The following CHRM3 variants were observed in gnomAD, a reference collection of about 807,000 sequenced individuals.
The protein encoded by CHRM3 is muscarinic acetylcholine receptor M3.
A neutral mutation model predicts 41.8 loss-of-function variants in CHRM3; 11 were observed. The ratio of observed to expected loss-of-function variants is 0.26; its 90% CI spans 0.17 to 0.44. CHRM3 has a LOEUF of 0.44. Among genes scored for constraint, CHRM3 ranks in the 20% least tolerant of loss-of-function variants. The pLI is 1.00. For synonymous variants in CHRM3, 297 were observed against 301.4 expected (o/e 0.99, Z 0.15); for missense variants, 571 against 745.4 (o/e 0.77, Z 2.72).
chr1:239,741,687 G>GT (rs1553378248), intron 5 of CHRM3, among the ~76,000 whole-genome samples: 15 of 151,520 alleles, frequency 9.9e-5, no homozygotes, highest in Admixed American at 2.0e-4. Flanking sequence ...AAAGCCTTTT[G>GT]TTTTTTTTAT....
At chr1:239,443,293 T>G (rs1663868671) in intron 1 of CHRM3, among the ~76,000 whole-genome samples, 1 of 152,228 alleles carries the variant, frequency 6.6e-6, no homozygotes, top group Admixed American at 6.5e-5. Context: ...ATAATTTGTC[T>G]TTCGTCATAG....
intron 6 of CHRM3, among the ~76,000 whole-genome samples, chr1:239,876,453 T>TAACTGG (rs1280082290): frequency 6.6e-6 from 1 of 152,234 alleles, no homozygotes; most frequent in Admixed American, 6.5e-5. Flanking sequence ...TGGAAGGCCC[T>TAACTGG]AACTGGAACG....
intron 2 of CHRM3, among the ~76,000 whole-genome samples, chr1:239,493,389 CT>C (rs759697131): frequency 1.3e-5 from 2 of 152,108 alleles, no homozygotes; most frequent in Admixed American, 6.6e-5. Flanking sequence ...CAGATTGCCA[CT>C]TTTTATCAAA....
At chr1:239,733,554 A>T (rs1664147834) in intron 5 of CHRM3, among the ~76,000 whole-genome samples, 1 of 152,024 alleles carries the variant, frequency 6.6e-6, no homozygotes, top group South Asian at 2.1e-4. Flanking sequence ...GGCTATTAGT[A>T]AGTGTTTATT....
chr1:239,785,387 A>G (rs1340614571), intron 5 of CHRM3, among the ~76,000 whole-genome samples: 1 of 152,244 alleles, frequency 6.6e-6, no homozygotes, highest in Non-Finnish European at 1.5e-5. Context: ...TGAAGGCTGC[A>G]TTCTTTTAAA....
At chr1:239,794,387 GT>G (rs10925977) in intron 5 of CHRM3, among the ~76,000 whole-genome samples, 21,251 of 115,176 alleles carry the variant, frequency 0.18, 3,478 homozygotes, top group African/African-American at 0.5. Context: ...TTCGTTTGTT[GT>G]TTTTTTTTTT....
At chr1:239,640,275 A>C (rs371176256) in intron 4 of CHRM3, among the ~76,000 whole-genome samples, 15 of 152,212 alleles carry the variant, frequency 9.9e-5, no homozygotes, top group East Asian at 1.9e-4. Flanking sequence ...TGATGCTGGC[A>C]TCATAAAATG....
chr1:239,781,182 A>G (rs1295181779), intron 5 of CHRM3, among the ~76,000 whole-genome samples: 2 of 152,108 alleles, frequency 1.3e-5, no homozygotes, highest in Non-Finnish European at 2.9e-5. Flanking sequence ...TTGAATCTAG[A>G]AATCAAATGA....
chr1:239,803,962 G>A (rs190224595), intron 5 of CHRM3, among the ~76,000 whole-genome samples: 2 of 152,302 alleles, frequency 1.3e-5, no homozygotes, highest in Admixed American at 1.3e-4. Flanking sequence ...CTGGTTTCCT[G>A]CCTTTCTAAG....
At position 239,910,319 on chromosome 1, in the gene CHRM3, G is replaced by A. The variant is rs10458442; in HGVS notation, c.*1095G>A. 84,486 of 156,604 alleles carry A rather than the reference G, an allele frequency of 0.54. 24,122 individuals carry two copies. Among genetic ancestry groups the A allele is most frequent in the African/African-American group, 0.79 (31,638 of 39,938 alleles). 9.7% of individuals were successfully genotyped at this position (156,604 alleles called of 1,614,324 possible). A position where few individuals can be genotyped will look rare whatever the true frequency, so the allele number is the denominator to read the frequency against. Reference sequence around the variant, plus strand: ...CATACACAGCAATATATATATATGTGTATATATATATATATGGCAAAGCAA... The same window carrying A: ...CATACACAGCAATATATATATATGTATATATATATATATATGGCAAAGCAA... On this transcript the variant is annotated 3_prime_UTR_variant, in exon 7 of 7. Coordinates refer to ENST00000676153, the MANE Select transcript of CHRM3 (RefSeq NM_001375978.1).
intron 5 of CHRM3, among the ~76,000 whole-genome samples, chr1:239,758,826 C>T (rs1021960889): frequency 4.6e-5 from 7 of 152,054 alleles, no homozygotes; most frequent in Non-Finnish European, 8.8e-5. Flanking sequence ...TTCAGAAGCG[C>T]GCAAGTTGGT....
intron 5 of CHRM3, among the ~76,000 whole-genome samples, chr1:239,700,023 A>T (rs1660539404): frequency 1.3e-5 from 2 of 152,158 alleles, no homozygotes; most frequent in Admixed American, 1.3e-4. Context: ...CTCTGGAAGG[A>T]AAAAAGAAAC....
At chr1:239,890,896 G>A (rs1376753193) in intron 6 of CHRM3, among the ~76,000 whole-genome samples, 3 of 152,144 alleles carry the variant, frequency 2.0e-5, no homozygotes, top group African/African-American at 4.8e-5. Flanking sequence ...GTTATCATCA[G>A]TAAGATCCAA....
At chr1:239,751,211 C>T (rs1233191525) in intron 5 of CHRM3, among the ~76,000 whole-genome samples, 2 of 148,394 alleles carry the variant, frequency 1.3e-5, no homozygotes, top group African/African-American at 5.0e-5. Flanking sequence ...ACACTCCAGC[C>T]TGGATGACAA....
chr1:239,465,575 G>GCCATC (rs918828519), intron 1 of CHRM3, among the ~76,000 whole-genome samples: 6 of 152,214 alleles, frequency 3.9e-5, no homozygotes, highest in African/African-American at 1.4e-4. Flanking sequence ...GCCTTTGTTT[G>GCCATC]CCATCACTGA....
At chr1:239,419,246 T>C (rs1419673079) in intron 1 of CHRM3, among the ~76,000 whole-genome samples, 2 of 152,252 alleles carry the variant, frequency 1.3e-5, no homozygotes, top group South Asian at 2.1e-4. Context: ...TGCTATTGTC[T>C]CAATGAAATT....
chr1:239,432,380 A>G (rs1260099208), intron 1 of CHRM3, among the ~76,000 whole-genome samples: 2 of 152,174 alleles, frequency 1.3e-5, no homozygotes, highest in African/African-American at 2.4e-5. Flanking sequence ...TTCATATTTT[A>G]TATTGATATT....
At chr1:239,482,098 A>T (rs187425263) in intron 1 of CHRM3, among the ~76,000 whole-genome samples, 22 of 151,966 alleles carry the variant, frequency 1.4e-4, no homozygotes, top group African/African-American at 4.8e-4. Flanking sequence ...TCTCCCAGAC[A>T]CCTCACCTAT....
intron 5 of CHRM3, among the ~76,000 whole-genome samples, chr1:239,814,164 G>A (rs2149001418): frequency 6.6e-6 from 1 of 152,296 alleles, no homozygotes; most frequent in Admixed American, 6.5e-5. Context: ...CCCTGGACGA[G>A]AAGTCAAATT....
Sources: gnomAD v4.1 joint callset for allele counts (sites outside exome capture counted in the v4.1 genomes callset) on GRCh38, gnomAD v4.1.1 for gene constraint, MANE v1.5 for transcripts, NCBI Gene and HGNC (gene_info 2026-07-23, HGNC 2026-07-21) for gene names.